TBC1D32: variants seen among roughly 807,000 people sequenced by gnomAD.
The protein encoded by TBC1D32 is protein broad-minded.
Under a neutral mutation model 170.3 loss-of-function variants are expected in TBC1D32, and 151 were observed. That is an observed-to-expected ratio of 0.89 (90% CI 0.78 to 1.01). The LOEUF is 1.01. TBC1D32 is among the 50% of genes least tolerant of loss of function. TBC1D32 has a pLI of 0.00. For missense variants in TBC1D32, 1,464 were observed against 1,457.1 expected (o/e 1.00, Z -0.08); for synonymous variants, 498 against 488.0 (o/e 1.02, Z -0.27).
chr6:121,326,086 G>A (rs956765215), intron 1 of TBC1D32, among the ~76,000 whole-genome samples: 1 of 152,068 alleles, frequency 6.6e-6, no homozygotes, highest in Non-Finnish European at 1.5e-5. Context: ...GAACTCTTGG[G>A]TATGCTTTGT....
intron 24 of TBC1D32, among the ~76,000 whole-genome samples, chr6:121,150,515 A>G (rs1009141144): frequency 1.3e-5 from 2 of 152,194 alleles, no homozygotes; most frequent in African/African-American, 2.4e-5. Context: ...TGCTGGCCTC[A>G]TGAAATGAGT....
intron 1 of TBC1D32, among the ~76,000 whole-genome samples, chr6:121,332,748 G>T (rs1181260906): frequency 1.3e-5 from 2 of 152,060 alleles, no homozygotes; most frequent in African/African-American, 4.8e-5. Context: ...TAATTTTTCT[G>T]TACTCCACTG....
intron 22 of TBC1D32, among the ~76,000 whole-genome samples, chr6:121,192,695 A>G (rs1425258227): frequency 6.6e-6 from 1 of 152,184 alleles, no homozygotes; most frequent in East Asian, 1.9e-4. Context: ...GCAATTTGGA[A>G]TGGAGATGTG....
intron 15 of TBC1D32, among the ~76,000 whole-genome samples, chr6:121,277,885 A>C (rs1234828934): frequency 6.6e-6 from 1 of 151,960 alleles, no homozygotes; most frequent in Admixed American, 6.6e-5. Context: ...TAAGAAAAAA[A>C]AAAAGAGAAG....
intron 20 of TBC1D32, among the ~76,000 whole-genome samples, chr6:121,238,817 G>A (rs537247678): frequency 1.3e-5 from 2 of 151,862 alleles, no homozygotes; most frequent in South Asian, 2.1e-4. Context: ...TTCATTAAGG[G>A]AGAAAAACTT....
At chr6:121,270,358 T>TA (rs1801198540) in intron 15 of TBC1D32, among the ~76,000 whole-genome samples, 2 of 151,976 alleles carry the variant, frequency 1.3e-5, no homozygotes, top group South Asian at 4.2e-4. Context: ...ACAAAATTGA[T>TA]AAACTGATAG....
intron 14 of TBC1D32, among the ~76,000 whole-genome samples, chr6:121,280,199 C>CAT (rs1802788784): frequency 2.8e-4 from 1 of 3,624 alleles, no homozygotes; most frequent in African/African-American, 3.3e-4. Context: ...TTCCTTCTTT[C>CAT]ACGAGACTAT....
At chr6:121,255,301 T>G in intron 17 of TBC1D32, 27 bp downstream of exon 17, 1 of 1,333,632 alleles carries the variant, frequency 7.5e-7, no homozygotes, top group Non-Finnish European at 1.0e-6. Context: ...ATATAATAAA[T>G]GCATGACTTT....
At chr6:121,237,952 C>T (rs950966548) in intron 20 of TBC1D32, among the ~76,000 whole-genome samples, 6 of 152,066 alleles carry the variant, frequency 3.9e-5, no homozygotes, top group Admixed American at 1.3e-4. Flanking sequence ...CTATTATACT[C>T]CCTGACAAAG....
In TBC1D32 at chr6:121,164,450, C is replaced by A. The variant is rs1230242006; in HGVS notation, c.2571-3394G>T. The stretch of plus-strand genomic sequence containing the variant: ...TTTCAACCCAGAATTTCATATCCAG[C>A]CAAACTAAGCTTCATAAGTGAAGGA... On this transcript the variant is annotated intron_variant, in intron 22 of 31. Transcript: ENST00000398212. 2.7e-4 allele frequency among the ~76,000 whole-genome samples: 2 copies of A among 7,488 alleles called. 1 individual carries two copies. The highest frequency in any genetic ancestry group is 3.1e-4 in the African/African-American group (2 of 6,436). 4.9% of individuals were successfully genotyped at this position (7,488 alleles called of 152,430 possible).
intron 14 of TBC1D32, among the ~76,000 whole-genome samples, chr6:121,279,729 C>T (rs532290589): frequency 2.1e-4 from 32 of 151,994 alleles, no homozygotes; most frequent in East Asian, 7.7e-4. Context: ...GGTCAATAGG[C>T]AATAATGTCA....
chr6:121,290,244 T>A (rs1663116229), intron 12 of TBC1D32, among the ~76,000 whole-genome samples: 1 of 152,132 alleles, frequency 6.6e-6, no homozygotes, highest in Non-Finnish European at 1.5e-5. Flanking sequence ...TTTTGCAATC[T>A]ATTCATCTGA....
Position 121,242,189 on chromosome 6 carries a change from G to A in TBC1D32, c.2157+12C>T, listed in dbSNP as rs1797070661. ...AAAATTCCCTTTGCCTTTGGCAGAT[G>A]GTAATTCATACCTGTAATTTTTTTG... On this transcript the variant is annotated intron_variant, in intron 18 of 31. Coordinates refer to ENST00000398212, the MANE Select transcript of TBC1D32 (RefSeq NM_152730.6). 1.2e-6 allele frequency: 2 copies of A among 1,607,646 alleles called. No homozygotes were observed. The highest frequency in any genetic ancestry group is 1.1e-5 in the South Asian group (1 of 89,682).
intron 24 of TBC1D32, among the ~76,000 whole-genome samples, chr6:121,159,613 T>C (rs1378512315): frequency 6.6e-6 from 1 of 152,142 alleles, no homozygotes; most frequent in East Asian, 1.9e-4. Context: ...ATAGTCTAAC[T>C]CTACACCTAG....
intron 30 of TBC1D32, among the ~76,000 whole-genome samples, chr6:121,103,973 T>C (rs1443050583): frequency 6.6e-6 from 1 of 151,906 alleles, no homozygotes; most frequent in Non-Finnish European, 1.5e-5. Context: ...TTTAGGTATA[T>C]ATAGCAAGAG....
chr6:121,213,452 T>C (rs888794567), intron 21 of TBC1D32, among the ~76,000 whole-genome samples: 2 of 67,638 alleles, frequency 3.0e-5, no homozygotes, highest in Admixed American at 4.0e-4. Flanking sequence ...TATTCACAAC[T>C]GCCACAAAAA....
intron 22 of TBC1D32, among the ~76,000 whole-genome samples, chr6:121,187,093 G>GA (rs910959853): frequency 2.0e-5 from 3 of 151,748 alleles, no homozygotes; most frequent in Non-Finnish European, 2.9e-5. Context: ...ACTAATTCTA[G>GA]AAAAAAAATT....
intron 24 of TBC1D32, among the ~76,000 whole-genome samples, chr6:121,158,038 G>C (rs1262267462): frequency 6.6e-6 from 1 of 151,960 alleles, no homozygotes; most frequent in Non-Finnish European, 1.5e-5. Context: ...TTAAATTCTT[G>C]TGTCTACATC....
At chr6:121,181,822 C>A (rs1268236325) in intron 22 of TBC1D32, among the ~76,000 whole-genome samples, 1 of 152,036 alleles carries the variant, frequency 6.6e-6, no homozygotes, top group Non-Finnish European at 1.5e-5. Flanking sequence ...TCATTTGCAA[C>A]AACATCGATG....
Sources: allele counts gnomAD v4.1 joint callset (sites outside exome capture counted in the v4.1 genomes callset), GRCh38; gene constraint gnomAD v4.1.1; transcripts MANE v1.5; gene names NCBI Gene and HGNC (gene_info 2026-07-23, HGNC 2026-07-21).